STPG2: variants seen among roughly 807,000 people sequenced by gnomAD.
The protein encoded by STPG2 is sperm tail PG-rich repeat containing 2, also known as sperm-tail PG-rich repeat-containing protein 2.
Under a neutral mutation model 54.2 loss-of-function variants are expected in STPG2, and 56 were observed. The observed-to-expected ratio is 1.03, with a 90% CI of 0.83 to 1.29. The LOEUF is 1.29. STPG2 is among the 50% of genes most tolerant of loss of function. The pLI, the probability that STPG2 is intolerant of heterozygous loss-of-function variation, is 0.00. For missense variants in STPG2, 596 were observed against 544.9 expected, an observed-to-expected ratio of 1.09 and a Z score of -0.93; for synonymous variants, 200 against 181.8, an observed-to-expected ratio of 1.10 and a Z score of -0.81.
At chr4:97,920,184 C>G (rs1156412119) in intron 8 of STPG2, among the ~76,000 whole-genome samples, 3 of 152,178 alleles carry the variant, frequency 2.0e-5, no homozygotes, top group Admixed American at 2.0e-4. Context: ...TATCAGACAT[C>G]AATCTAGTGC....
intron 1 of STPG2, among the ~76,000 whole-genome samples, chr4:98,136,924 A>T (rs1466364486): frequency 6.6e-6 from 1 of 151,814 alleles, no homozygotes; most frequent in East Asian, 1.9e-4. Flanking sequence ...TATTCCTGCA[A>T]CAAAAGTAGG....
At chr4:97,816,542 T>C (rs962991316) in intron 9 of STPG2, among the ~76,000 whole-genome samples, 4 of 152,070 alleles carry the variant, frequency 2.6e-5, no homozygotes, top group Admixed American at 6.6e-5. Context: ...TAAAGATCAT[T>C]TCTGGATATG....
chr4:98,023,555 A>C (rs929442552), intron 5 of STPG2, among the ~76,000 whole-genome samples: 3 of 152,110 alleles, frequency 2.0e-5, no homozygotes, highest in Non-Finnish European at 4.4e-5. Flanking sequence ...TATTCTCTTT[A>C]AAGCTGTCAG....
intron 10 of STPG2, among the ~76,000 whole-genome samples, chr4:97,688,461 GGTTCACACC>G (rs1160241861): frequency 1.3e-5 from 2 of 152,092 alleles, no homozygotes; most frequent in African/African-American, 4.8e-5. Flanking sequence ...CTGCCTCCCG[GGTTCACACC>G]ATTCTCCTGC....
At chr4:98,109,081 G>T in intron 4 of STPG2, 112 bp downstream of exon 4, 1 of 552,874 alleles carries the variant, frequency 1.8e-6, no homozygotes, top group Non-Finnish European at 3.0e-6. Context: ...AATACTTCTT[G>T]GAGTTTTTCA....
intron 4 of STPG2, among the ~76,000 whole-genome samples, chr4:97,461,739 T>C (rs897955857): frequency 6.6e-6 from 1 of 152,214 alleles, no homozygotes; most frequent in Non-Finnish European, 1.5e-5. Context: ...ATGTTAACTT[T>C]CCATTTGCAT....
At chr4:97,610,381 G>C (rs1451348208) in intron 10 of STPG2, among the ~76,000 whole-genome samples, 1 of 152,000 alleles carries the variant, frequency 6.6e-6, no homozygotes, top group African/African-American at 2.4e-5. Flanking sequence ...AGTGTTCTGT[G>C]CAACTCAAAG....
chr4:97,540,548 A>G (rs1182031878), intron 4 of STPG2, among the ~76,000 whole-genome samples: 2 of 152,218 alleles, frequency 1.3e-5, no homozygotes, highest in Non-Finnish European at 2.9e-5. Flanking sequence ...CCAGAGTTAC[A>G]AGGAGGAGCT....
chr4:97,552,848 T>C (rs937644569), intron 4 of STPG2, among the ~76,000 whole-genome samples: 4 of 152,170 alleles, frequency 2.6e-5, no homozygotes, highest in African/African-American at 9.6e-5. Flanking sequence ...TCCACGATAC[T>C]AGTAGTTCAG....
intron 8 of STPG2, among the ~76,000 whole-genome samples, chr4:97,940,332 G>C (rs1732929235): frequency 6.6e-6 from 1 of 152,146 alleles, no homozygotes; most frequent in African/African-American, 2.4e-5. Flanking sequence ...TTCTGAATTT[G>C]ACTGTTGGCC....
intron 7 of STPG2, among the ~76,000 whole-genome samples, chr4:97,959,125 C>G (rs878894654): frequency 2.0e-5 from 3 of 152,032 alleles, no homozygotes; most frequent in Admixed American, 2.0e-4. Context: ...TGAATGATCA[C>G]TGGGTCAACA....
At chr4:97,863,369 C>A (rs1340443434) in intron 8 of STPG2, among the ~76,000 whole-genome samples, 1 of 152,130 alleles carries the variant, frequency 6.6e-6, no homozygotes, top group East Asian at 1.9e-4. Context: ...AATTCCTTGA[C>A]ACATACACCC....
chr4:97,761,998 G>A (rs1725901976), intron 9 of STPG2, among the ~76,000 whole-genome samples: 1 of 152,022 alleles, frequency 6.6e-6, no homozygotes, highest in Non-Finnish European at 1.5e-5. Flanking sequence ...AGTCACTATG[G>A]CAGAGCCTAA....
At chr4:97,550,675 GGTGA>G (rs1553936780) in intron 4 of STPG2, among the ~76,000 whole-genome samples, 1 of 152,092 alleles carries the variant, frequency 6.6e-6, no homozygotes, top group Non-Finnish European at 1.5e-5. Flanking sequence ...GGACCCTTGT[GGTGA>G]GTATTACAGT....
chr4:97,884,440 A>G (rs1379553723), intron 8 of STPG2, among the ~76,000 whole-genome samples: 1 of 152,190 alleles, frequency 6.6e-6, no homozygotes, highest in Admixed American at 6.5e-5. Context: ...GAGAAAAAGG[A>G]CACAGATAAC....
chr4:98,060,333 T>A (rs1737605722), intron 5 of STPG2, among the ~76,000 whole-genome samples: 1 of 151,824 alleles, frequency 6.6e-6, no homozygotes. Flanking sequence ...ACAAAAAGAA[T>A]AAAATACCTA....
At chr4:97,618,957 A>C (rs1374034003) in intron 10 of STPG2, among the ~76,000 whole-genome samples, 1 of 152,184 alleles carries the variant, frequency 6.6e-6, no homozygotes, top group African/African-American at 2.4e-5. Flanking sequence ...TCAATGATTT[A>C]TTACTAAGTA....
intron 3 of STPG2, 67 bp downstream of exon 3, chr4:98,128,361 A>G (rs1739887243): frequency 5.9e-6 from 8 of 1,354,466 alleles, no homozygotes; most frequent in Non-Finnish European, 7.8e-6. Context: ...AAGCCAGGAA[A>G]AAAAGAAACC....
chr4:97,967,030 G>A (rs1054419697), intron 7 of STPG2, among the ~76,000 whole-genome samples: 7 of 151,986 alleles, frequency 4.6e-5, no homozygotes, highest in African/African-American at 1.5e-4. Context: ...AAATGTAAAT[G>A]GGCTGAATGC....
Sources: gnomAD v4.1 joint callset for allele counts (sites outside exome capture counted in the v4.1 genomes callset) on GRCh38, gnomAD v4.1.1 for gene constraint, MANE v1.5 for transcripts, NCBI Gene and HGNC (gene_info 2026-07-23, HGNC 2026-07-21) for gene names.